ROBO1: variants seen among roughly 807,000 people sequenced by gnomAD.
ROBO1 encodes roundabout homolog 1.
ROBO1 carries 149 observed loss-of-function variants against 195.9 expected under a neutral mutation model. That is an observed-to-expected ratio of 0.76 (90% CI 0.67 to 0.87). The LOEUF (loss-of-function observed/expected upper bound fraction) is 0.87. ROBO1 is among the 40% of genes least tolerant of loss of function. The probability of loss-of-function intolerance (pLI) is 0.00; values close to 1 mark genes in which losing one functional copy is unlikely to be tolerated. For missense variants in ROBO1, 1,933 were observed against 2,068.3 expected, an observed-to-expected ratio of 0.93 and a Z score of 1.27; for synonymous variants, 816 against 733.2, an observed-to-expected ratio of 1.11 and a Z score of -1.82.
chr3:79,713,696 A>G (rs907760614), intron 1 of ROBO1, among the ~76,000 whole-genome samples: 1 of 152,112 alleles, frequency 6.6e-6, no homozygotes, highest in Non-Finnish European at 1.5e-5. Context: ...GGTATTGCCT[A>G]GGTTTTCTTC....
intron 4 of ROBO1, among the ~76,000 whole-genome samples, chr3:78,874,017 A>AT (rs35788384): frequency 0.015 from 2,226 of 149,170 alleles, 32 homozygotes; most frequent in Middle Eastern, 0.051. Context: ...TAAAGAGAGG[A>AT]TTTTTTTTTT....
intron 4 of ROBO1, among the ~76,000 whole-genome samples, chr3:78,852,370 C>T (rs7640421): frequency 0.031 from 4,691 of 152,158 alleles, 232 homozygotes; most frequent in African/African-American, 0.11. Context: ...AATGTCAGTT[C>T]TACTTTCTGT....
chr3:78,857,403 T>C (rs2034521144), intron 4 of ROBO1, among the ~76,000 whole-genome samples: 1 of 152,230 alleles, frequency 6.6e-6, no homozygotes, highest in Admixed American at 6.5e-5. Context: ...TAAGGATTAA[T>C]TTAAGAGTTA....
intron 26 of ROBO1, among the ~76,000 whole-genome samples, chr3:78,621,193 A>G (rs939086606): frequency 2.6e-5 from 4 of 152,178 alleles, no homozygotes; most frequent in Non-Finnish European, 5.9e-5. Context: ...AATTGTTTCA[A>G]TATGGAGTGT....
intron 2 of ROBO1, among the ~76,000 whole-genome samples, chr3:79,345,988 A>AC (rs1311168143): frequency 2.6e-5 from 4 of 152,210 alleles, no homozygotes; most frequent in African/African-American, 9.6e-5. Context: ...TGGTAAACAC[A>AC]CTGAAATATT....
chr3:79,330,578 G>C lies in ROBO1; in HGVS notation c.89-205039C>G, dbSNP rs1303710789. 2.7e-5 allele frequency among the ~76,000 whole-genome samples: 4 copies of C among 147,654 alleles called. No homozygotes were observed. In the Admixed American group the frequency reaches 2.8e-4, roughly 10 times the overall value. Reference sequence around the variant, plus strand: ...AACTGCTTTTTTTCACCCTGTCTATGGCTACTTTCATCCTGTAACTACAGA... The same window carrying C: ...AACTGCTTTTTTTCACCCTGTCTATCGCTACTTTCATCCTGTAACTACAGA... On this transcript the variant is annotated intron_variant, in intron 2 of 30. Transcript: ENST00000464233.
intron 3 of ROBO1, among the ~76,000 whole-genome samples, chr3:79,094,086 G>T (rs1037173350): frequency 2.0e-5 from 3 of 151,976 alleles, no homozygotes; most frequent in Admixed American, 6.6e-5. Context: ...ACTCAAAGAG[G>T]TTATTCTATT....
intron 14 of ROBO1, among the ~76,000 whole-genome samples, chr3:78,664,066 T>A (rs1420416172): frequency 6.6e-6 from 1 of 152,186 alleles, no homozygotes; most frequent in Admixed American, 6.5e-5. Flanking sequence ...CAGCAGTCTA[T>A]AACATTATAA....
chr3:79,548,370 C>T (rs563852630), intron 2 of ROBO1, among the ~76,000 whole-genome samples: 3 of 152,322 alleles, frequency 2.0e-5, no homozygotes, highest in East Asian at 3.9e-4. Context: ...ATTTCCCTGA[C>T]TCCACGGATA....
At chr3:79,405,700 T>G (rs915785927) in intron 2 of ROBO1, among the ~76,000 whole-genome samples, 2 of 152,176 alleles carry the variant, frequency 1.3e-5, no homozygotes, top group Non-Finnish European at 2.9e-5. Context: ...TTTTGTAACT[T>G]TATATTGTGG....
At chr3:79,437,018 A>AAATT (rs2038911488) in intron 2 of ROBO1, among the ~76,000 whole-genome samples, 1 of 152,038 alleles carries the variant, frequency 6.6e-6, no homozygotes, top group Non-Finnish European at 1.5e-5. Context: ...TTTTGCAAAG[A>AAATT]AATTAATTTT....
At chr3:79,451,424 C>T (rs1283478395) in intron 2 of ROBO1, among the ~76,000 whole-genome samples, 3 of 151,936 alleles carry the variant, frequency 2.0e-5, no homozygotes, top group African/African-American at 7.2e-5. Context: ...AGAGCCTTAC[C>T]CCCTGTAGGT....
At chr3:79,301,547 A>G (rs2032957089) in intron 2 of ROBO1, among the ~76,000 whole-genome samples, 1 of 152,186 alleles carries the variant, frequency 6.6e-6, no homozygotes, top group Non-Finnish European at 1.5e-5. Context: ...CCTCTGTAGG[A>G]GTCTTATTGT....
intron 4 of ROBO1, among the ~76,000 whole-genome samples, chr3:78,755,814 A>G (rs1206366653): frequency 6.6e-6 from 1 of 152,214 alleles, no homozygotes; most frequent in Non-Finnish European, 1.5e-5. Context: ...AAAAAATTTA[A>G]AACATGATTT....
intron 2 of ROBO1, among the ~76,000 whole-genome samples, chr3:79,569,619 G>A (rs1560001320): frequency 6.6e-6 from 1 of 151,320 alleles, no homozygotes; most frequent in Non-Finnish European, 1.5e-5. Flanking sequence ...TAAGACCAAT[G>A]CACCGGAATG....
At chr3:79,536,827 G>C (rs1419473484) in intron 2 of ROBO1, among the ~76,000 whole-genome samples, 3 of 152,120 alleles carry the variant, frequency 2.0e-5, no homozygotes, top group Non-Finnish European at 4.4e-5. Context: ...ATTTGACTTT[G>C]CTCTTACCTC....
At chr3:78,751,446 G>A (rs1205092630) in intron 4 of ROBO1, among the ~76,000 whole-genome samples, 1 of 152,096 alleles carries the variant, frequency 6.6e-6, no homozygotes, top group Non-Finnish European at 1.5e-5. Flanking sequence ...GAATGTATTG[G>A]TTTTGATTCA....
intron 2 of ROBO1, among the ~76,000 whole-genome samples, chr3:79,341,193 G>A (rs1413337342): frequency 1.3e-5 from 2 of 152,184 alleles, no homozygotes; most frequent in African/African-American, 4.8e-5. Flanking sequence ...CTTATAGCAT[G>A]TCATTCAAAT....
At chr3:78,628,774 T>C (rs1219749207) in intron 25 of ROBO1, among the ~76,000 whole-genome samples, 1 of 152,236 alleles carries the variant, frequency 6.6e-6, no homozygotes, top group Non-Finnish European at 1.5e-5. Context: ...ACTAGAAATG[T>C]TTTAGTTATC....
Sources: gnomAD v4.1 joint callset for allele counts (sites outside exome capture counted in the v4.1 genomes callset) on GRCh38, gnomAD v4.1.1 for gene constraint, MANE v1.5 for transcripts, NCBI Gene and HGNC (gene_info 2026-07-23, HGNC 2026-07-21) for gene names.